Variants in ERAP1 observed in about 807,000 individuals in gnomAD.
The protein encoded by ERAP1 is endoplasmic reticulum aminopeptidase 1, also known as adipocyte-derived leucine aminopeptidase.
A neutral mutation model predicts 103.7 loss-of-function variants in ERAP1; 86 were observed. The observed-to-expected ratio is 0.83, with a 90% CI of 0.70 to 0.99. ERAP1 has a LOEUF of 0.99. Ranked by LOEUF, ERAP1 falls within the 50% of genes least tolerant of loss-of-function variation. The pLI is 0.00. For synonymous variants in ERAP1, 398 were observed against 402.4 expected (o/e 0.99, Z 0.13); for missense variants, 1,009 against 1,128.4 (o/e 0.89, Z 1.52).
At chr5:96,770,202 C>A, downstream of ERAP1, 1 of 293,766 alleles carries the variant, frequency 3.4e-6, no homozygotes, top group Non-Finnish European at 6.7e-6. Context: ...CTAGGGTTCC[C>A]TTTTCTCCAC....
the ERAP1 span, among the ~76,000 whole-genome samples, chr5:96,840,319 T>C: frequency 6.6e-6 from 1 of 152,334 alleles, no homozygotes; most frequent in South Asian, 2.1e-4. Context: ...GATTATAATC[T>C]TTCTCACTCC....
chr5:96,884,056 ATC>A, the ERAP1 span: 1 of 619,748 alleles, frequency 1.6e-6, no homozygotes, highest in Non-Finnish European at 2.7e-6. Context: ...CTATCTATCT[ATC>A]TATCTATCTA....
the ERAP1 span, among the ~76,000 whole-genome samples, chr5:96,900,703 G>C: frequency 6.6e-6 from 1 of 152,002 alleles, no homozygotes; most frequent in Non-Finnish European, 1.5e-5. Context: ...TTTAGACAAA[G>C]TCTCACTCTG....
the ERAP1 span, chr5:96,900,203 G>C: frequency 2.4e-5 from 38 of 1,613,188 alleles, no homozygotes; most frequent in Non-Finnish European, 2.7e-5. Context: ...AGGATAAAGA[G>C]AGTCACAGAG....
chr5:96,907,965 T>TA, the ERAP1 span, among the ~76,000 whole-genome samples: 5 of 152,158 alleles, frequency 3.3e-5, no homozygotes, highest in East Asian at 9.6e-4. Context: ...GTGAAATTTT[T>TA]GAAAAAAATT....
At chr5:96,883,912 A>C in the ERAP1 span, 1 of 1,610,710 alleles carries the variant, frequency 6.2e-7, no homozygotes, top group African/African-American at 1.3e-5. Context: ...GGCATATTGC[A>C]CTATCCAACA....
chr5:96,889,718 C>T, the ERAP1 span, among the ~76,000 whole-genome samples: 2 of 152,098 alleles, frequency 1.3e-5, no homozygotes, highest in Non-Finnish European at 2.9e-5. Context: ...CGGACATCAA[C>T]GCTCTCATCC....
the ERAP1 span, among the ~76,000 whole-genome samples, chr5:96,904,984 TTTTTTAACC>T: frequency 0.038 from 5,765 of 152,282 alleles, 185 homozygotes; most frequent in Middle Eastern, 0.12. Flanking sequence ...CAAGTTTTGT[TTTTTTAACC>T]TTTTTAAGCC....
rs894742973 is a variant in ERAP1, at chr5:96,781,277, T to A, written c.2448-79A>T. 8 of 1,465,728 alleles carry A rather than the reference T, an allele frequency of 5.5e-6. No homozygotes were observed. In the African/African-American group the frequency reaches 1.1e-4, roughly 21 times the overall value. 90.8% of individuals were successfully genotyped at this position (1,465,728 alleles called of 1,614,324 possible). A position where few individuals can be genotyped will look rare whatever the true frequency, so the allele number is the denominator to read the frequency against. On this transcript the variant is annotated intron_variant, in intron 16 of 18. Transcript: ENST00000443439. ...TGAATCACTGCAATAAAATTACTTG[T>A]AAAAGAAAAAAAAGTCTGCCAGTAA...
chr5:96,847,737 G>A, the ERAP1 span, among the ~76,000 whole-genome samples: 1 of 152,100 alleles, frequency 6.6e-6, no homozygotes, highest in Non-Finnish European at 1.5e-5. Flanking sequence ...GGTCAAAGAA[G>A]AAATTAAAAG....
exon 20 of ERAP1, chr5:96,762,242 C>T (rs1561605735): frequency 4.9e-6 from 7 of 1,416,450 alleles, no homozygotes; most frequent in Non-Finnish European, 6.9e-6. Context: ...TTATATACAA[C>T]ATGTTACTAA....
At chr5:96,902,288 T>C in the ERAP1 span, 1 of 1,608,284 alleles carries the variant, frequency 6.2e-7, no homozygotes, top group Non-Finnish European at 8.5e-7. Context: ...CTGTGGCATA[T>C]CCCATTGACC....
the ERAP1 span, chr5:96,908,981 A>G: frequency 6.2e-7 from 1 of 1,614,172 alleles, no homozygotes; most frequent in Admixed American, 1.7e-5. Flanking sequence ...CTGACCCTAG[A>G]CAAAGCTCTT....
intron 15 of ERAP1, 130 bp downstream of exon 15, chr5:96,782,921 T>C (rs1775425026): frequency 2.2e-6 from 2 of 914,052 alleles, no homozygotes; most frequent in Admixed American, 2.1e-5. Flanking sequence ...TAAAAAGCAA[T>C]TTATTTTCCA....
the ERAP1 span, among the ~76,000 whole-genome samples, chr5:96,858,051 G>T: frequency 9.1e-4 from 138 of 152,292 alleles, no homozygotes; most frequent in African/African-American, 3.3e-3. Flanking sequence ...CAAGCTCAAT[G>T]AACAGCAGCT....
At position 96,783,097 on chromosome 5, in the gene ERAP1, C is replaced by T. The variant is rs1775451426; in HGVS notation, c.2239G>A (p.Ala747Thr). 6.2e-7 allele frequency: 1 copy of T among 1,614,202 alleles called. No individual in the cohort carries two copies. The highest frequency in any genetic ancestry group is 8.5e-7 in the Non-Finnish European group (1 of 1,180,040). Reference protein sequence around the residue: ...VHNYQPCVQRAEGYFRKWKES... With the variant: ...VHNYQPCVQRTEGYFRKWKES... ...TTCCACTTTCTGAAATAGCCTTCTG[C>T]CCTCTGTACGCACGGCTGATAGTTG... The change falls in exon 15 of 19, where the codon GCA becomes ACA. Residue 747 changes from alanine (A) to threonine (T), a missense_variant. Coordinates refer to ENST00000443439, the MANE Select transcript of ERAP1 (RefSeq NM_001040458.3).
the ERAP1 span, chr5:96,908,977 C>G: frequency 6.2e-7 from 1 of 1,614,094 alleles, no homozygotes; most frequent in Non-Finnish European, 8.5e-7. Flanking sequence ...GAGACTGACC[C>G]TAGACAAAGC....
At chr5:96,885,596 C>T in the ERAP1 span, among the ~76,000 whole-genome samples, 8 of 152,282 alleles carry the variant, frequency 5.3e-5, no homozygotes, top group Admixed American at 3.9e-4. Context: ...AAGCTATTTT[C>T]TCTTGCCAAA....
intron 1 of ERAP1, among the ~76,000 whole-genome samples, chr5:96,805,455 T>C (rs2151008416): frequency 6.6e-6 from 1 of 151,964 alleles, no homozygotes; most frequent in South Asian, 2.1e-4. Context: ...CTCTATGTGA[T>C]AGGATACTAA....
Sources: allele counts gnomAD v4.1 joint callset (sites outside exome capture counted in the v4.1 genomes callset), GRCh38; gene constraint gnomAD v4.1.1; transcripts MANE v1.5; gene names NCBI Gene and HGNC (gene_info 2026-07-23, HGNC 2026-07-21).